Variants in SGCD observed in about 807,000 individuals in gnomAD.
SGCD encodes the protein delta-sarcoglycan.
Under a neutral mutation model 36.6 loss-of-function variants are expected in SGCD, and 18 were observed. The ratio of observed to expected loss-of-function variants is 0.49; its 90% CI spans 0.34 to 0.73. SGCD has a LOEUF of 0.73. Ranked by LOEUF, SGCD falls within the 30% of genes least tolerant of loss-of-function variation. The pLI is 0.01. For synonymous variants in SGCD, 133 were observed against 130.6 expected (o/e 1.02, Z -0.12); for missense variants, 387 against 346.7 (o/e 1.12, Z -0.92).
intron 3 of SGCD, among the ~76,000 whole-genome samples, chr5:156,317,790 G>A (rs1767557290): frequency 6.6e-6 from 1 of 152,082 alleles, no homozygotes; most frequent in Non-Finnish European, 1.5e-5. Context: ...TGTAATAATA[G>A]AATATTAAAG....
At chr5:155,849,446 G>GCACACACACACAAACACACACACACACA in the SGCD span, among the ~76,000 whole-genome samples, 31 of 149,932 alleles carry the variant, frequency 2.1e-4, no homozygotes, top group Non-Finnish European at 3.7e-4. Context: ...ATGTGCGCGC[G>GCACACACACACAAACACACACACACACA]CACACACACA....
chr5:156,036,348 G>A (rs1759495788), intron 1 of SGCD, among the ~76,000 whole-genome samples: 1 of 152,164 alleles, frequency 6.6e-6, no homozygotes, highest in Admixed American at 6.5e-5. Flanking sequence ...GAAAGCAGAA[G>A]TTTCAGGCAA....
In SGCD at chr5:155,877,265, G is replaced by A. The variant is rs568584424; in HGVS notation, c.-282+6841G>A. On this transcript the variant is annotated intron_variant, in intron 1 of 9. Transcript: ENST00000517913. Reference sequence around the variant, plus strand: ...CCGTAAGCCCAGGTTTTAAGATGACGGTTTAGACTGAATTCCCAGGCATGG... The same window carrying A: ...CCGTAAGCCCAGGTTTTAAGATGACAGTTTAGACTGAATTCCCAGGCATGG... Among the ~76,000 whole-genome samples, 174 of 152,154 alleles carry A rather than the reference G, an allele frequency of 1.1e-3. 1 individual carries two copies. Among genetic ancestry groups the A allele is most frequent in the Admixed American group, 3.7e-3 (56 of 15,258 alleles).
chr5:156,192,774 A>T (rs1006686439), intron 3 of SGCD, among the ~76,000 whole-genome samples: 2 of 151,012 alleles, frequency 1.3e-5, no homozygotes, highest in African/African-American at 4.9e-5. Flanking sequence ...CAATAAAAAA[A>T]ATCTAAAGAA....
intron 3 of SGCD, among the ~76,000 whole-genome samples, chr5:156,477,606 T>A (rs1755238735): frequency 6.6e-6 from 1 of 151,186 alleles, no homozygotes; most frequent in Non-Finnish European, 1.5e-5. Context: ...TGCAGGCATC[T>A]CTCATGAGCT....
At chr5:155,890,510 G>A (rs1446862565) in intron 1 of SGCD, among the ~76,000 whole-genome samples, 3 of 152,062 alleles carry the variant, frequency 2.0e-5, no homozygotes, top group Non-Finnish European at 2.9e-5. Context: ...TTGGGAGGCT[G>A]AAGGGGAGGA....
At chr5:155,728,019 G>T in the SGCD span, among the ~76,000 whole-genome samples, 5 of 152,222 alleles carry the variant, frequency 3.3e-5, no homozygotes, top group East Asian at 9.7e-4. Flanking sequence ...CCCCGCCCGC[G>T]TTTCGCTGGG....
intron 1 of SGCD, among the ~76,000 whole-genome samples, chr5:155,980,827 C>T (rs548418423): frequency 1.5e-4 from 23 of 152,156 alleles, no homozygotes; most frequent in African/African-American, 4.6e-4. Flanking sequence ...ATCATTACCT[C>T]GGAAGGTATT....
At chr5:156,741,408 A>C (rs1223757970) in intron 7 of SGCD, among the ~76,000 whole-genome samples, 2 of 152,160 alleles carry the variant, frequency 1.3e-5, no homozygotes, top group African/African-American at 4.8e-5. Context: ...GATTCATGAG[A>C]CTTCCAAGTA....
intron 3 of SGCD, among the ~76,000 whole-genome samples, chr5:156,298,468 A>G (rs1766959257): frequency 6.6e-6 from 1 of 151,864 alleles, no homozygotes; most frequent in Non-Finnish European, 1.5e-5. Context: ...TCTAACTGGG[A>G]TGAGATGATA....
chr5:156,219,433 G>C (rs976302315), intron 3 of SGCD, among the ~76,000 whole-genome samples: 1 of 151,916 alleles, frequency 6.6e-6, no homozygotes, highest in African/African-American at 2.4e-5. Context: ...CATTCTTGTC[G>C]GACATAGTAG....
At chr5:156,123,880 G>A (rs890724153) in exon 3 of SGCD, 27 of 152,120 alleles carry the variant, frequency 1.8e-4, no homozygotes, top group Non-Finnish European at 2.9e-4. Flanking sequence ...TCCATCCTCA[G>A]GGATTTGAAG....
rs561900052 is a variant in SGCD, at chr5:156,551,105, G to C, written c.295-38126G>C. Among the ~76,000 whole-genome samples, 963 of 152,064 alleles carry C rather than the reference G, an allele frequency of 6.3e-3. 6 individuals carry two copies. Among genetic ancestry groups the C allele is most frequent in the Non-Finnish European group, 0.01 (707 of 67,966 alleles). On this transcript the variant is annotated intron_variant, in intron 4 of 8. Coordinates refer to ENST00000337851, the MANE Select transcript of SGCD (RefSeq NM_000337.6). ...TCGCCCTGTCAGCTCTTTAGCCCTT[G>C]CCCCTCTAACACAGTCATCTCTTAC... is the stretch of plus-strand genomic sequence containing the variant.
intron 7 of SGCD, among the ~76,000 whole-genome samples, chr5:156,688,294 T>C (rs2113699815): frequency 6.6e-6 from 1 of 152,288 alleles, no homozygotes; most frequent in Admixed American, 6.5e-5. Context: ...ATTCGTTGAA[T>C]GAAAGAGTGA....
chr5:156,609,007 G>A (rs1761637549), intron 6 of SGCD, among the ~76,000 whole-genome samples: 1 of 152,146 alleles, frequency 6.6e-6, no homozygotes, highest in Admixed American at 6.5e-5. Context: ...CAATTTGCCA[G>A]TCTGTGTCTT....
At chr5:156,456,562 T>C (rs1754272087) in intron 3 of SGCD, among the ~76,000 whole-genome samples, 1 of 152,182 alleles carries the variant, frequency 6.6e-6, no homozygotes, top group Non-Finnish European at 1.5e-5. Context: ...AGTCTCAGCC[T>C]GGTGTCTCCT....
chr5:156,450,422 A>T (rs1350235381), intron 3 of SGCD, among the ~76,000 whole-genome samples: 1 of 152,124 alleles, frequency 6.6e-6, no homozygotes, highest in African/African-American at 2.4e-5. Context: ...AATTTGGTTC[A>T]GAAAGAGAGT....
At chr5:156,471,163 G>T (rs1319076653) in intron 3 of SGCD, among the ~76,000 whole-genome samples, 1 of 152,104 alleles carries the variant, frequency 6.6e-6, no homozygotes, top group Non-Finnish European at 1.5e-5. Flanking sequence ...ACTATTAAAA[G>T]ACATAATTAA....
At chr5:155,765,071 T>C in the SGCD span, among the ~76,000 whole-genome samples, 3 of 151,854 alleles carry the variant, frequency 2.0e-5, no homozygotes, top group African/African-American at 7.3e-5. Flanking sequence ...TTGAGGCCAG[T>C]AGCTCAAGAC....
Sources: gnomAD v4.1 joint callset for allele counts (sites outside exome capture counted in the v4.1 genomes callset) on GRCh38, gnomAD v4.1.1 for gene constraint, MANE v1.5 for transcripts, NCBI Gene and HGNC (gene_info 2026-07-23, HGNC 2026-07-21) for gene names.